The following CRYBG3 variants were observed in gnomAD, a reference collection of about 807,000 sequenced individuals.
The protein encoded by CRYBG3 is very large A-kinase anchor protein.
Under a neutral mutation model 244.2 loss-of-function variants are expected in CRYBG3, and 127 were observed. The observed-to-expected ratio is 0.52, with a 90% CI of 0.45 to 0.60. The LOEUF (loss-of-function observed/expected upper bound fraction) is 0.60, where lower values mean the gene tolerates loss of function less well. CRYBG3 is among the 20% of genes least tolerant of loss of function. CRYBG3 has a pLI of 0.00. For missense variants in CRYBG3, 3,325 were observed against 3,442.5 expected (o/e 0.97, Z 0.85); for synonymous variants, 1,132 against 1,195.8 (o/e 0.95, Z 1.10).
intron 8 of CRYBG3, 113 bp downstream of exon 8, chr3:97,886,880 C>T (rs1190438979): frequency 1.2e-6 from 1 of 855,752 alleles, no homozygotes; most frequent in Non-Finnish European, 1.8e-6. Context: ...CTCAGTCACC[C>T]AAGAAAGACT....
rs1377837908 is a variant in CRYBG3, at chr3:97,907,661, C to T, written c.8005-4506C>T. On this transcript the variant is annotated intron_variant, in intron 15 of 21. Coordinates refer to ENST00000389622, the MANE Select transcript of CRYBG3 (RefSeq NM_153605.4). ...TTTTTTTCTTTATTAGTCTTGCTAGCGGTCTATCAATTTTGTTGATCCTTT... is the reference window on the plus strand; with the variant it reads ...TTTTTTTCTTTATTAGTCTTGCTAGTGGTCTATCAATTTTGTTGATCCTTT... 9.4e-5 allele frequency among the ~76,000 whole-genome samples: 14 copies of T among 149,526 alleles called. No homozygotes were observed. The South Asian group carries it at 1.1e-3, about 12-fold the overall frequency.
chr3:97,834,168 G>A (rs1012788832), intron 1 of CRYBG3, among the ~76,000 whole-genome samples: 1 of 152,070 alleles, frequency 6.6e-6, no homozygotes, highest in Non-Finnish European at 1.5e-5. Flanking sequence ...CATAGCACTT[G>A]CATACTTATA....
chr3:97,824,719 A>G (rs540746294), intron 1 of CRYBG3, among the ~76,000 whole-genome samples: 2 of 152,196 alleles, frequency 1.3e-5, no homozygotes, highest in Non-Finnish European at 2.9e-5. Flanking sequence ...TAGGCACTCA[A>G]ATTGCTTGAT....
At chr3:97,865,024 T>G (rs1433404180) in intron 3 of CRYBG3, among the ~76,000 whole-genome samples, 1 of 152,154 alleles carries the variant, frequency 6.6e-6, no homozygotes, top group Admixed American at 6.6e-5. Flanking sequence ...AAAATTTAAT[T>G]AAAGCCATTA....
At chr3:97,852,172 G>A (rs1025699342) in intron 2 of CRYBG3, among the ~76,000 whole-genome samples, 2 of 152,134 alleles carry the variant, frequency 1.3e-5, no homozygotes, top group Admixed American at 1.3e-4. Flanking sequence ...TTTCATAAGA[G>A]CATGAAGGAA....
At chr3:97,899,569 C>T (rs1276522617) in intron 14 of CRYBG3, among the ~76,000 whole-genome samples, 1 of 152,170 alleles carries the variant, frequency 6.6e-6, no homozygotes, top group Non-Finnish European at 1.5e-5. Flanking sequence ...ATGGTTCTGT[C>T]TCCCAGGGGA....
chr3:97,861,013 C>T (rs1221844399), intron 2 of CRYBG3, among the ~76,000 whole-genome samples: 1 of 151,686 alleles, frequency 6.6e-6, no homozygotes, highest in Admixed American at 6.6e-5. Context: ...CTAATTTTCA[C>T]CTCCCTTTCT....
chr3:97,875,692 C>T lies in CRYBG3; in HGVS notation c.4498C>T (p.Leu1500Phe). The change falls in exon 4 of 22, where the codon CTT becomes TTT. Residue 1500 changes from leucine to phenylalanine, a missense_variant. Transcript: ENST00000389622. Reference sequence around the variant, plus strand: ...ATCTAAAAGCAGTTTGTCTGATAGCCTTGTATGTATATCTGAAAAAAACTT... The same window carrying T: ...ATCTAAAAGCAGTTTGTCTGATAGCTTTGTATGTATATCTGAAAAAAACTT... Reference protein sequence around the residue: ...GTSKSSLSDSLVCISEKNLPG... With the variant: ...GTSKSSLSDSFVCISEKNLPG... 8.1e-7 allele frequency: 1 copy of T among 1,232,586 alleles called. No homozygotes were observed. The highest frequency in any genetic ancestry group is 3.1e-4 in the Middle Eastern group (1 of 3,206). The allele number at this position is 1,232,586 out of a possible 1,614,324, so 76.4% of individuals were successfully genotyped here. A position where few individuals can be genotyped will look rare whatever the true frequency, so the allele number is the denominator to read the frequency against.
At chr3:97,910,064 G>T (rs1274749674) in intron 15 of CRYBG3, among the ~76,000 whole-genome samples, 2 of 151,716 alleles carry the variant, frequency 1.3e-5, no homozygotes, top group South Asian at 2.1e-4. Context: ...CTGCTCAGGG[G>T]TCAGGGGTCA....
chr3:97,874,177 C>T lies in CRYBG3; in HGVS notation c.2983C>T (p.Pro995Ser). 1.3e-6 allele frequency: 2 copies of T among 1,529,972 alleles called. No homozygotes were observed. The highest frequency in any genetic ancestry group is 1.7e-6 in the Non-Finnish European group (2 of 1,145,406). 94.8% of individuals were successfully genotyped at this position (1,529,972 alleles called of 1,614,324 possible). A position where few individuals can be genotyped will look rare whatever the true frequency, so the allele number is the denominator to read the frequency against. Residue 995 changes from proline (P) to serine (S), a missense_variant, in exon 4 of 22, where the codon CCT becomes TCT. Pro to Ser is a moderately conservative substitution (Grantham distance 74). Coordinates refer to ENST00000389622, the MANE Select transcript of CRYBG3 (RefSeq NM_153605.4). ...GGAACTCAGCTTAACTAATATTTCC[C>T]CTAAATTCCAAGAAACTGGCAGCAT... ...MAELSLTNIS[P>S]KFQETGSMKV...
At chr3:97,865,338 G>A (rs2039213124) in intron 3 of CRYBG3, among the ~76,000 whole-genome samples, 1 of 152,094 alleles carries the variant, frequency 6.6e-6, no homozygotes, top group Admixed American at 6.5e-5. Flanking sequence ...CTCTGCTGGA[G>A]AATTTATTAT....
intron 15 of CRYBG3, among the ~76,000 whole-genome samples, chr3:97,902,256 GGAA>G (rs2039714647): frequency 1.3e-5 from 2 of 151,998 alleles, no homozygotes; most frequent in Admixed American, 6.6e-5. Flanking sequence ...GATTTTAAAG[GGAA>G]CCTCAAGCAA....
At chr3:97,847,923 A>G (rs371277084) in intron 2 of CRYBG3, among the ~76,000 whole-genome samples, 5 of 152,350 alleles carry the variant, frequency 3.3e-5, no homozygotes, top group East Asian at 3.9e-4. Context: ...CTTATTTCTA[A>G]TAAGTAAATC....
intron 15 of CRYBG3, among the ~76,000 whole-genome samples, chr3:97,902,647 T>G (rs1313475238): frequency 6.6e-6 from 1 of 152,050 alleles, no homozygotes; most frequent in Non-Finnish European, 1.5e-5. Context: ...TGTTGTTCCC[T>G]TCTCTGTGCC....
chr3:97,830,629 T>G (rs2038642392), intron 1 of CRYBG3, among the ~76,000 whole-genome samples: 1 of 152,230 alleles, frequency 6.6e-6, no homozygotes, highest in Middle Eastern at 3.2e-3. Flanking sequence ...CACTCAGATT[T>G]CTGAAGACAT....
At chr3:97,925,347 A>G (rs2040027869) in intron 17 of CRYBG3, among the ~76,000 whole-genome samples, 1 of 152,114 alleles carries the variant, frequency 6.6e-6, no homozygotes, top group Non-Finnish European at 1.5e-5. Flanking sequence ...AAATCTGAAA[A>G]TACTAAGGTT....
chr3:97,873,279 TC>T lies in CRYBG3; in HGVS notation c.2086del (p.Gln696SerfsTer10). On this transcript the variant is annotated frameshift_variant, in exon 4 of 22. Coordinates refer to ENST00000389622, the MANE Select transcript of CRYBG3 (RefSeq NM_153605.4). LOFTEE classifies it high-confidence loss of function. ...GNVNIVGISYQPRKCKEENVK... is the reference protein window; with the variant it reads ...GNVNIVGISYXPRKCKEENVK... ...ATGTCAACATTGTTGGTATTTCCTA[TC>T]AGCCTAGGAAGTGTAAAGAAGAAAA... The T allele has an allele frequency of 1.3e-6, 2 of 1,535,358 alleles. No homozygotes were observed. The highest frequency in any genetic ancestry group is 1.7e-6 in the Non-Finnish European group (2 of 1,146,544).
At chr3:97,933,560 A>T in intron 17 of CRYBG3, 134 bp from the exon 18 acceptor site, 1 of 896,886 alleles carries the variant, frequency 1.1e-6, no homozygotes, top group Non-Finnish European at 1.8e-6. Context: ...TTTTGACTAT[A>T]GCAACCTTAG....
At chr3:97,915,047 G>T (rs2039912259) in intron 16 of CRYBG3, among the ~76,000 whole-genome samples, 1 of 151,962 alleles carries the variant, frequency 6.6e-6, no homozygotes, top group African/African-American at 2.4e-5. Context: ...AGATTTCTAG[G>T]TGACAGGTTT....
Sources: allele counts gnomAD v4.1 joint callset (sites outside exome capture counted in the v4.1 genomes callset), GRCh38; gene constraint gnomAD v4.1.1; transcripts MANE v1.5; gene names NCBI Gene and HGNC (gene_info 2026-07-23, HGNC 2026-07-21).